Variants in TNR observed in about 807,000 individuals in gnomAD.
The protein encoded by TNR is tenascin R.
TNR carries 45 observed loss-of-function variants against 150.4 expected under a neutral mutation model. The observed-to-expected ratio is 0.30, with a 90% CI of 0.24 to 0.38. The LOEUF (loss-of-function observed/expected upper bound fraction) is 0.38, where lower values mean the gene tolerates loss of function less well. TNR is among the 10% of genes least tolerant of loss of function. The pLI is 1.00. For missense variants in TNR, 1,544 were observed against 1,759.1 expected (o/e 0.88, Z 2.19); for synonymous variants, 687 against 678.4 (o/e 1.01, Z -0.20).
rs1648935260 is a variant in TNR at position 175,319,462 on chromosome 1, T to C, written c.*3895A>G. The C allele has an allele frequency of 6.6e-6, 1 of 152,232 alleles. No individual in the cohort carries two copies. Among genetic ancestry groups the C allele is most frequent in the Non-Finnish European group, 1.5e-5 (1 of 68,034 alleles). 9.4% of individuals were successfully genotyped at this position (152,232 alleles called of 1,614,324 possible). On this transcript the variant is annotated 3_prime_UTR_variant, in exon 23 of 23. Transcript: ENST00000367674. ...TGAAAAGTAAAAATGTGATTAGGAT[T>C]GTTTGGTTTGGCATTGAGGTTATTG... is the stretch of plus-strand genomic sequence containing the variant.
In TNR at chr1:175,330,341, G is replaced by A; in HGVS notation, c.3632-106C>T. 9 of 1,024,338 alleles carry A rather than the reference G, an allele frequency of 8.8e-6. No homozygotes were observed. In the South Asian group the frequency reaches 9.2e-5, roughly 10 times the overall value. 63.5% of individuals were successfully genotyped at this position (1,024,338 alleles called of 1,614,324 possible). A position where few individuals can be genotyped will look rare whatever the true frequency, so the allele number is the denominator to read the frequency against. On this transcript the variant is annotated intron_variant, in intron 20 of 22. Coordinates refer to ENST00000367674, the MANE Select transcript of TNR (RefSeq NM_003285.3). ...AAAACATGTTACAGGGAAGAGGAGG[G>A]GACTCCAGATTGCTTTTGCTCTTGG...
At chr1:175,375,228 A>G (rs1652320107) in intron 9 of TNR, among the ~76,000 whole-genome samples, 2 of 150,654 alleles carry the variant, frequency 1.3e-5, no homozygotes, top group African/African-American at 2.5e-5. Context: ...GTACCCTGTT[A>G]CATGGTGCCA....
intron 2 of TNR, among the ~76,000 whole-genome samples, chr1:175,443,173 TCTTTA>T (rs1364599691): frequency 3.9e-5 from 6 of 152,186 alleles, no homozygotes; most frequent in African/African-American, 1.2e-4. Flanking sequence ...AATAAAAATG[TCTTTA>T]CTTTATGCCG....
chr1:175,323,933 A>G (rs1249690453), intron 22 of TNR, among the ~76,000 whole-genome samples: 1 of 152,166 alleles, frequency 6.6e-6, no homozygotes, highest in African/African-American at 2.4e-5. Flanking sequence ...TAACACTTAG[A>G]AAGTCTAGTT....
intron 1 of TNR, among the ~76,000 whole-genome samples, chr1:175,567,162 C>T (rs1358502478): frequency 2.0e-5 from 3 of 152,114 alleles, no homozygotes; most frequent in African/African-American, 7.2e-5. Flanking sequence ...CTCAGATCTC[C>T]TAAAAATCAT....
At chr1:175,632,026 G>A (rs1341141040) in intron 1 of TNR, among the ~76,000 whole-genome samples, 1 of 152,202 alleles carries the variant, frequency 6.6e-6, no homozygotes, top group Non-Finnish European at 1.5e-5. Flanking sequence ...GAGATGGGTA[G>A]GAGGAAGTAA....
chr1:175,713,058 G>A (rs1374205276), intron 1 of TNR, among the ~76,000 whole-genome samples: 3 of 152,138 alleles, frequency 2.0e-5, no homozygotes, highest in South Asian at 2.1e-4. Flanking sequence ...AAGGAGCCTC[G>A]CAGGCCAGTG....
chr1:175,462,798 C>T (rs1656875079), intron 2 of TNR, among the ~76,000 whole-genome samples: 1 of 152,176 alleles, frequency 6.6e-6, no homozygotes, highest in South Asian at 2.1e-4. Flanking sequence ...TCCACCACCA[C>T]CCACAGACAT....
chr1:175,344,829 AG>A (rs1273744078), intron 18 of TNR, among the ~76,000 whole-genome samples: 2 of 152,220 alleles, frequency 1.3e-5, no homozygotes, highest in East Asian at 3.9e-4. Context: ...ATAGAACAAG[AG>A]GGAACATTGC....
In TNR at chr1:175,643,469, C is replaced by T. The variant is rs191115875; in HGVS notation, c.-165+99757G>A. Among the ~76,000 whole-genome samples the T allele has an allele frequency of 5.9e-5, 9 of 152,312 alleles. No individual in the cohort carries two copies. In the South Asian group the frequency reaches 1.2e-3, roughly 21 times the overall value. On this transcript the variant is annotated intron_variant, in intron 1 of 22. Transcript: ENST00000367674. ...ATTTCCATGGCCTGTTCATCCACCT[C>T]ATAGTCAATGTGAGAACCAGACACG...
At chr1:175,542,840 C>A (rs1029062359) in intron 1 of TNR, among the ~76,000 whole-genome samples, 1 of 152,148 alleles carries the variant, frequency 6.6e-6, no homozygotes, top group Non-Finnish European at 1.5e-5. Flanking sequence ...CTTTCCAACG[C>A]TTTTGCCCAC....
chr1:175,592,850 C>T (rs1267239347), intron 1 of TNR, among the ~76,000 whole-genome samples: 1 of 152,130 alleles, frequency 6.6e-6, no homozygotes, highest in Non-Finnish European at 1.5e-5. Context: ...TTTTAAAAGC[C>T]TCATCTTCTC....
At chr1:175,354,250 G>T in intron 18 of TNR, 141 bp downstream of exon 18, 2 of 1,148,806 alleles carry the variant, frequency 1.7e-6, no homozygotes, top group Non-Finnish European at 2.4e-6. Context: ...TCCTGGTAGG[G>T]GCTTGGACAG....
chr1:175,644,843 ATCT>A (rs1462749916), intron 1 of TNR, among the ~76,000 whole-genome samples: 1 of 152,284 alleles, frequency 6.6e-6, no homozygotes, highest in Non-Finnish European at 1.5e-5. Flanking sequence ...TAAGTCACAC[ATCT>A]TCTTTCTGTG....
intron 15 of TNR, among the ~76,000 whole-genome samples, chr1:175,358,090 A>C (rs1651413896): frequency 6.6e-6 from 1 of 152,184 alleles, no homozygotes; most frequent in Admixed American, 6.5e-5. Context: ...AGCATGTGCA[A>C]ATGCATGGAG....
Position 175,347,057 on chromosome 1 carries a change from G to A in TNR, c.3382+7334C>T, listed in dbSNP as rs189651111. ...CAGTTTCATTTATGACTGTAGATGT[G>A]AAAAGTCTAAACGGATGGTAGCTAA... is the stretch of plus-strand genomic sequence containing the variant. On this transcript the variant is annotated intron_variant, in intron 18 of 22. Transcript: ENST00000367674. 5.0e-3 allele frequency among the ~76,000 whole-genome samples: 758 copies of A among 152,188 alleles called. 1 individual carries two copies. The highest frequency in any genetic ancestry group is 7.8e-3 in the Non-Finnish European group (529 of 67,984).
intron 1 of TNR, among the ~76,000 whole-genome samples, chr1:175,729,865 A>G (rs1484746157): frequency 6.6e-6 from 1 of 152,174 alleles, no homozygotes; most frequent in Non-Finnish European, 1.5e-5. Flanking sequence ...AAGTCCCTCC[A>G]TCACTCTCGG....
At chr1:175,551,658 A>G (rs1181214381) in intron 1 of TNR, among the ~76,000 whole-genome samples, 1 of 152,230 alleles carries the variant, frequency 6.6e-6, no homozygotes, top group Non-Finnish European at 1.5e-5. Flanking sequence ...AACAATTGTA[A>G]TTAAGAACAA....
chr1:175,388,211 C>T (rs1461124789), intron 7 of TNR, among the ~76,000 whole-genome samples: 1 of 151,634 alleles, frequency 6.6e-6, no homozygotes, highest in Non-Finnish European at 1.5e-5. Flanking sequence ...GGAAAATCTT[C>T]TTTATCCATG....
Sources: allele counts gnomAD v4.1 joint callset (sites outside exome capture counted in the v4.1 genomes callset), GRCh38; gene constraint gnomAD v4.1.1; transcripts MANE v1.5; gene names NCBI Gene and HGNC (gene_info 2026-07-23, HGNC 2026-07-21).